RAB44: variants seen among roughly 807,000 people sequenced by gnomAD.
RAB44 encodes RAB44, member RAS oncogene family.
RAB44 carries 67 observed loss-of-function variants against 93.3 expected under a neutral mutation model. That is an observed-to-expected ratio of 0.72 (90% CI 0.59 to 0.88). The LOEUF is 0.88. Among genes scored for constraint, RAB44 ranks in the 40% least tolerant of loss-of-function variants. RAB44 has a pLI of 0.00. For synonymous variants in RAB44, 427 were observed against 520.3 expected (o/e 0.82, Z 2.44); for missense variants, 1,064 against 1,261.7 (o/e 0.84, Z 2.37).
At chr6:36,724,382 G>A (rs1186357131) in intron 9 of RAB44, among the ~76,000 whole-genome samples, 1 of 151,884 alleles carries the variant, frequency 6.6e-6, no homozygotes, top group East Asian at 1.9e-4. Flanking sequence ...TGGCCAGGCT[G>A]GTGACCTCAG....
intron 8 of RAB44, 127 bp from the exon 9 acceptor site, chr6:36,721,024 C>T (rs923500976): frequency 2.7e-5 from 24 of 882,352 alleles, no homozygotes; most frequent in Non-Finnish European, 3.6e-5. Flanking sequence ...AGAAAGATTG[C>T]CTGAGCAAGG....
At chr6:36,709,089 C>T (rs1295009309) in intron 2 of RAB44, among the ~76,000 whole-genome samples, 1 of 151,972 alleles carries the variant, frequency 6.6e-6, no homozygotes, top group Admixed American at 6.6e-5. Context: ...GGATTACAGG[C>T]GCCTGCCACC....
intron 2 of RAB44, among the ~76,000 whole-genome samples, chr6:36,709,659 T>C (rs957410916): frequency 3.3e-5 from 5 of 152,070 alleles, no homozygotes; most frequent in Non-Finnish European, 7.4e-5. Context: ...GGGTTCAAGC[T>C]ATTCTCATGC....
At chr6:36,706,921 T>C (rs929234084) in intron 2 of RAB44, among the ~76,000 whole-genome samples, 1 of 152,176 alleles carries the variant, frequency 6.6e-6, no homozygotes, top group Non-Finnish European at 1.5e-5. Flanking sequence ...AGAGGCAGGG[T>C]TGCGGGTTTC....
intron 1 of RAB44, among the ~76,000 whole-genome samples, chr6:36,703,120 G>C (rs75713243): frequency 6.6e-6 from 1 of 152,194 alleles, no homozygotes; most frequent in Non-Finnish European, 1.5e-5. Flanking sequence ...AGAATCTGGC[G>C]TGGGCCTTCT....
intron 7 of RAB44, 79 bp from the exon 8 acceptor site, chr6:36,720,284 G>A: frequency 8.6e-7 from 1 of 1,164,034 alleles, no homozygotes; most frequent in Non-Finnish European, 1.1e-6. Context: ...GGGGGTCTGT[G>A]TCCCACAATG....
Position 36,717,408 on chromosome 6 carries a change from G to A in RAB44, c.630G>A (p.Leu210=), listed in dbSNP as rs1322919894. The change falls in exon 5 of 14, where the codon CTG becomes CTA. Residue 210 remains leucine (L), a synonymous_variant. Transcript: ENST00000612677. This position sits in a 1 kb window ranked among gnomAD's most constrained non-coding sequence, Gnocchi z 4.1. ...AGGCGGACAAGGAGGCCCTGGAGCT[G>A]ACCCTGAGGAAGTGAGTGGGGGGCC... The part of the protein sequence containing the change: ...EAQADKEALE[L]TLRKRDSDHH... 4.3e-5 allele frequency: 53 copies of A among 1,232,124 alleles called. No individual in the cohort carries two copies. Among genetic ancestry groups the A allele is most frequent in the Non-Finnish European group, 5.2e-5 (51 of 988,086 alleles). The allele number at this position is 1,232,124 out of a possible 1,614,324, so 76.3% of individuals were successfully genotyped here. A position where few individuals can be genotyped will look rare whatever the true frequency, so the allele number is the denominator to read the frequency against.
In RAB44 at chr6:36,723,836, C is replaced by CAAAAAAAAAAAAAAAAA. The variant is rs565860026; in HGVS notation, c.2599+1105_2599+1121dup. 2.9e-3 allele frequency among the ~76,000 whole-genome samples: 189 copies of CAAAAAAAAAAAAAAAAA among 64,594 alleles called. 25 individuals are homozygous for CAAAAAAAAAAAAAAAAA. The highest frequency in any genetic ancestry group is 4.7e-3 in the Non-Finnish European group (157 of 33,178). 42.4% of individuals were successfully genotyped at this position (64,594 alleles called of 152,430 possible). On this transcript the variant is annotated intron_variant, in intron 9 of 13. Transcript: ENST00000612677. ...GGCGACAGAGCAAGATTCCGTCTCC[C>CAAAAAAAAAAAAAAAAA]AAAAAAAAAAAAAAAAAAGCAAACC...
chr6:36,711,328 A>G lies in RAB44; in HGVS notation c.208-2500A>G, dbSNP rs1762781822. ...ATCCGAAAGTCGAAATGAGAAGTAT[A>G]GGAAATCTAGATTAACTCGTTTCTT... is the stretch of plus-strand genomic sequence containing the variant. On this transcript the variant is annotated intron_variant, in intron 2 of 13. Coordinates refer to ENST00000612677, the MANE Select transcript of RAB44 (RefSeq NM_001257357.2). Among the ~76,000 whole-genome samples the G allele has an allele frequency of 4.6e-5, 7 of 152,384 alleles. No homozygotes were observed. The South Asian group carries it at 1.0e-3, about 23-fold the overall frequency.
At chr6:36,724,110 A>G (rs1382432368) in intron 9 of RAB44, among the ~76,000 whole-genome samples, 1 of 151,866 alleles carries the variant, frequency 6.6e-6, no homozygotes, top group Non-Finnish European at 1.5e-5. Context: ...GAGTGGGGTC[A>G]CAGGTTCTAC....
At chr6:36,704,028 C>T (rs559134659) in intron 1 of RAB44, among the ~76,000 whole-genome samples, 196 bp from the exon 2 acceptor site, 52 of 152,120 alleles carry the variant, frequency 3.4e-4, no homozygotes, top group African/African-American at 1.2e-3. Flanking sequence ...AGGGCAAAGG[C>T]GTTGAGCAGA....
rs1762783874 is a variant in RAB44 at position 36,711,430 on chromosome 6, C to T, written c.208-2398C>T. 2.0e-5 allele frequency among the ~76,000 whole-genome samples: 3 copies of T among 152,252 alleles called. No homozygotes were observed. The South Asian group carries it at 6.2e-4, about 32-fold the overall frequency. ...TACTTAACATAAAGCACAGAAAAGA[C>T]AGATAGCTATTATATGTGTTTTATC... On this transcript the variant is annotated intron_variant, in intron 2 of 13. Coordinates refer to ENST00000612677, the MANE Select transcript of RAB44 (RefSeq NM_001257357.2).
intron 9 of RAB44, among the ~76,000 whole-genome samples, chr6:36,725,643 C>G (rs1763217961): frequency 6.6e-6 from 1 of 152,114 alleles, no homozygotes. Flanking sequence ...GACAAGGTGC[C>G]CTGTGTTGGC....
intron 8 of RAB44, 66 bp from the exon 9 acceptor site, chr6:36,721,085 G>A: frequency 8.2e-7 from 1 of 1,226,102 alleles, no homozygotes. Flanking sequence ...GAGGGCTGCA[G>A]GTGGGATGGG....
intron 10 of RAB44, 135 bp downstream of exon 10, chr6:36,726,078 TGAGTCAAG>T (rs1763232213): frequency 1.0e-5 from 7 of 688,456 alleles, no homozygotes; most frequent in Admixed American, 2.2e-5. Context: ...GAAGGAGAGA[TGAGTCAAG>T]CCCAAGGCAG....
chr6:36,720,401 G>A lies in RAB44; in HGVS notation c.867G>A (p.Gln289=). The part of the protein sequence containing the change: ...AQLSHLRSTH[Q]EAASENQQLQ... ...TCTCCCACCTCAGGAGCACACATCA[G>A]GAGGCTGCCTCAGAGAACCAGCAGC... Residue 289 remains glutamine (Q), a synonymous_variant, in exon 8 of 14, where the codon CAG becomes CAA. Transcript: ENST00000612677. 3 of 1,232,578 alleles carry A rather than the reference G, an allele frequency of 2.4e-6. No individual in the cohort carries two copies. The highest frequency in any genetic ancestry group is 3.0e-6 in the Non-Finnish European group (3 of 988,226). 76.4% of individuals were successfully genotyped at this position (1,232,578 alleles called of 1,614,324 possible). A position where few individuals can be genotyped will look rare whatever the true frequency, so the allele number is the denominator to read the frequency against.
At chr6:36,711,468 A>G (rs1445223231) in intron 2 of RAB44, among the ~76,000 whole-genome samples, 1 of 152,236 alleles carries the variant, frequency 6.6e-6, no homozygotes, top group Non-Finnish European at 1.5e-5. Flanking sequence ...AACAATTATT[A>G]AACCAGTCTA....
intron 8 of RAB44, 139 bp from the exon 9 acceptor site, chr6:36,721,012 T>G: frequency 1.5e-4 from 106 of 726,256 alleles, no homozygotes; most frequent in Non-Finnish European, 1.8e-4. Context: ...ACATACCAGG[T>G]GAGAAAGATT....
At position 36,730,722 on chromosome 6, in the gene RAB44, T is replaced by G; in HGVS notation, c.2948T>G (p.Ile983Ser). 3.2e-6 allele frequency: 4 copies of G among 1,234,260 alleles called. No individual in the cohort carries two copies. The highest frequency in any genetic ancestry group is 4.0e-6 in the Non-Finnish European group (4 of 988,486). 76.5% of individuals were successfully genotyped at this position (1,234,260 alleles called of 1,614,324 possible). Residue 983 changes from isoleucine (I) to serine (S), a missense_variant, in exon 13 of 14, where the codon ATC (isoleucine) becomes AGC (serine). Coordinates refer to ENST00000612677, the MANE Select transcript of RAB44 (RefSeq NM_001257357.2). Reference protein sequence around the residue: ...GECSAALGHNILEPVVNLARS... With the variant: ...GECSAALGHNSLEPVVNLARS... ...TGCAGTGCCGCCTTGGGTCACAACATCCTGGAGCCTGTAGTAAACCTGGCC... is the reference window on the plus strand; with the variant it reads ...TGCAGTGCCGCCTTGGGTCACAACAGCCTGGAGCCTGTAGTAAACCTGGCC...
Sources: gnomAD v4.1 joint callset for allele counts (sites outside exome capture counted in the v4.1 genomes callset) on GRCh38, gnomAD v4.1.1 for gene constraint, Gnocchi (gnomAD v3.1) non-coding constraint, MANE v1.5 for transcripts, NCBI Gene and HGNC (gene_info 2026-07-23, HGNC 2026-07-21) for gene names.